STAM: variants seen among roughly 807,000 people sequenced by gnomAD.
STAM encodes signal transducing adaptor molecule.
Under a neutral mutation model 63.4 loss-of-function variants are expected in STAM, and 16 were observed. The ratio of observed to expected loss-of-function variants is 0.25; its 90% CI spans 0.17 to 0.38. The LOEUF is 0.38. Among genes scored for constraint, STAM ranks in the 10% least tolerant of loss-of-function variants. STAM has a pLI of 1.00. For synonymous variants in STAM, 238 were observed against 223.9 expected (o/e 1.06, Z -0.56); for missense variants, 636 against 657.1 (o/e 0.97, Z 0.35).
chr10:17,699,969 A>G (rs1304172168), intron 8 of STAM, among the ~76,000 whole-genome samples: 4 of 152,178 alleles, frequency 2.6e-5, no homozygotes, highest in Non-Finnish European at 5.9e-5. Flanking sequence ...CTTTTTATGG[A>G]AACTGTAAAA....
chr10:17,662,879 G>C lies in STAM; in HGVS notation c.125+2331G>C, dbSNP rs372899044. ...GTCATATTTTGTGACAGTTTCTGTT[G>C]AAGACTGGGCACCAAGCTAGACCAC... On this transcript the variant is annotated intron_variant, in intron 2 of 13. Transcript: ENST00000377524. Among the ~76,000 whole-genome samples, 12 of 152,200 alleles carry C rather than the reference G, an allele frequency of 7.9e-5. No homozygotes were observed. In the East Asian group the frequency reaches 1.2e-3, roughly 15 times the overall value.
chr10:17,650,711 C>G (rs1369998627), intron 1 of STAM, among the ~76,000 whole-genome samples: 1 of 152,138 alleles, frequency 6.6e-6, no homozygotes, highest in Non-Finnish European at 1.5e-5. Flanking sequence ...AGTTATTTTC[C>G]AGATGGCTGA....
Position 17,714,732 on chromosome 10 carries a change from A to C in STAM, c.1575A>C (p.Gln525His). Residue 525 changes from glutamine to histidine, a missense_variant, in exon 14 of 14, where the codon CAA (glutamine) becomes CAC (histidine). By Grantham distance (24) the Gln-to-His change is conservative (BLOSUM62 0). Coordinates refer to ENST00000377524, the MANE Select transcript of STAM (RefSeq NM_003473.4). ...CTCTGCCTCAGCCCGGAGGCAGCCA[A>C]CAGCCACCTCAGCCACAGCAACCAT... ...SSTLPQPGGS[Q>H]QPPQPQQPYS... 1 of 1,614,072 alleles carries C rather than the reference A, an allele frequency of 6.2e-7. No individual in the cohort carries two copies. The highest frequency in any genetic ancestry group is 8.5e-7 in the Non-Finnish European group (1 of 1,180,004).
chr10:17,647,233 G>A (rs1236829755), intron 1 of STAM, among the ~76,000 whole-genome samples: 3 of 152,154 alleles, frequency 2.0e-5, no homozygotes, highest in Non-Finnish European at 4.4e-5. Flanking sequence ...TAGAAGAAAC[G>A]TAAAGATAAC....
intron 2 of STAM, among the ~76,000 whole-genome samples, chr10:17,672,560 G>T (rs1413677576): frequency 2.0e-5 from 3 of 152,108 alleles, no homozygotes; most frequent in Non-Finnish European, 2.9e-5. Flanking sequence ...ATACCTTGCT[G>T]TGCTGAGGGC....
intron 2 of STAM, among the ~76,000 whole-genome samples, chr10:17,680,239 T>A (rs1554825141): frequency 6.6e-6 from 1 of 150,750 alleles, no homozygotes; most frequent in African/African-American, 2.5e-5. Context: ...AAATTTACCA[T>A]CTTAATGGTA....
At chr10:17,652,995 G>T (rs577622637) in intron 1 of STAM, among the ~76,000 whole-genome samples, 1 of 152,286 alleles carries the variant, frequency 6.6e-6, no homozygotes, top group South Asian at 2.1e-4. Context: ...TTTTCTGAGT[G>T]ATAAGAGCAT....
chr10:17,664,136 A>G (rs957548065), intron 2 of STAM, among the ~76,000 whole-genome samples: 4 of 152,250 alleles, frequency 2.6e-5, no homozygotes, highest in South Asian at 2.1e-4. Context: ...CCCTGTGCCT[A>G]CATGCATAAG....
chr10:17,654,372 A>G (rs554280072), intron 1 of STAM, among the ~76,000 whole-genome samples: 1 of 151,984 alleles, frequency 6.6e-6, no homozygotes, highest in South Asian at 2.1e-4. Context: ...ACATGCGCCC[A>G]CCACCAAGCC....
intron 2 of STAM, chr10:17,672,999 T>C (rs1256370419): frequency 1.0e-6 from 1 of 984,696 alleles, no homozygotes; most frequent in South Asian, 4.7e-5. Context: ...GGATGTGTCT[T>C]ACAAAAAGTT....
chr10:17,678,260 A>ATTTTTTTT (rs34286916), intron 2 of STAM, among the ~76,000 whole-genome samples: 8,575 of 149,788 alleles, frequency 0.057, 327 homozygotes, highest in Middle Eastern at 0.12. Flanking sequence ...ATGTGGTGTA[A>ATTTTTTTT]TTTTTTTTTT....
chr10:17,644,290 C>G lies in STAM; in HGVS notation c.-50C>G. On this transcript the variant is annotated 5_prime_UTR_variant, in exon 1 of 14. Coordinates refer to ENST00000377524, the MANE Select transcript of STAM (RefSeq NM_003473.4). ...TTCCATCCTACGTCGAGCTCTGACT[C>G]CCGTGCTGTCGAGAGGGAGTCCCCG... 6.2e-7 allele frequency: 1 copy of G among 1,609,190 alleles called. No individual in the cohort carries two copies. The highest frequency in any genetic ancestry group is 8.5e-7 in the Non-Finnish European group (1 of 1,175,740).
chr10:17,667,489 A>C (rs1554823569), intron 2 of STAM, among the ~76,000 whole-genome samples: 1 of 152,124 alleles, frequency 6.6e-6, no homozygotes, highest in African/African-American at 2.4e-5. Flanking sequence ...ACATGGCAGA[A>C]TTTCTTTAAT....
chr10:17,644,232 T>A lies in STAM; in HGVS notation c.-108T>A. ...AGGAGCTGTCGCGGACCCTGTAGAG[T>A]CGGTCTCTGTTGCTCTTTTTGCCTG... On this transcript the variant is annotated 5_prime_UTR_variant, in exon 1 of 14. Transcript: ENST00000377524. 1 of 1,211,656 alleles carries A rather than the reference T, an allele frequency of 8.3e-7. No individual in the cohort carries two copies. Among genetic ancestry groups the A allele is most frequent in the Non-Finnish European group, 1.2e-6 (1 of 829,198 alleles). The allele number at this position is 1,211,656 out of a possible 1,614,324, so 75.1% of individuals were successfully genotyped here. A position where few individuals can be genotyped will look rare whatever the true frequency, so the allele number is the denominator to read the frequency against.
intron 1 of STAM, among the ~76,000 whole-genome samples, chr10:17,658,601 C>T (rs1834037699): frequency 6.6e-6 from 1 of 152,094 alleles, no homozygotes; most frequent in Non-Finnish European, 1.5e-5. Context: ...ACCTCCACCT[C>T]CCGGGTTTGA....
rs1564521428 is a variant in STAM at position 17,644,322 on chromosome 10, C to T, written c.-18C>T. ...TGTCGAGAGGGAGTCCCCGGGGACA[C>T]CTCGGCACGCAGCGGAGATGCCTCT... is the stretch of plus-strand genomic sequence containing the variant. On this transcript the variant is annotated 5_prime_UTR_variant, in exon 1 of 14. Transcript: ENST00000377524. 2 of 1,614,132 alleles carry T rather than the reference C, an allele frequency of 1.2e-6. No individual in the cohort carries two copies. The highest frequency in any genetic ancestry group is 8.5e-7 in the Non-Finnish European group (1 of 1,180,018).
At chr10:17,710,746 C>T (rs17464684) in intron 13 of STAM, among the ~76,000 whole-genome samples, 6,820 of 152,298 alleles carry the variant, frequency 0.045, 199 homozygotes, top group Middle Eastern at 0.16. Context: ...CACAGTTTTA[C>T]ACTGGCTAGG....
Position 17,715,079 on chromosome 10 carries a change from C to A in STAM, c.*299C>A, listed in dbSNP as rs189691032. The A allele has an allele frequency of 2.1e-3, 813 of 388,582 alleles. 6 individuals carry two copies. Among genetic ancestry groups the A allele is most frequent in the African/African-American group, 0.016 (768 of 49,036 alleles). 24.1% of individuals were successfully genotyped at this position (388,582 alleles called of 1,614,324 possible). On this transcript the variant is annotated 3_prime_UTR_variant, in exon 14 of 14. Transcript: ENST00000377524. ...CCTGGTCTGCAGAAAGTCAAACTTA[C>A]AAAAACTGTTGTGACAAATGTTATG...
At chr10:17,712,844 G>A (rs1836616599) in intron 13 of STAM, among the ~76,000 whole-genome samples, 1 of 152,112 alleles carries the variant, frequency 6.6e-6, no homozygotes, top group Non-Finnish European at 1.5e-5. Flanking sequence ...AGGGACTTGA[G>A]ATGGGAGTAC....
Sources: allele counts gnomAD v4.1 joint callset (sites outside exome capture counted in the v4.1 genomes callset), GRCh38; gene constraint gnomAD v4.1.1; transcripts MANE v1.5; gene names NCBI Gene and HGNC (gene_info 2026-07-23, HGNC 2026-07-21).